Variants in RPTOR observed in about 807,000 individuals in gnomAD.
RPTOR encodes the protein regulatory associated protein of MTOR complex 1.
RPTOR carries 21 observed loss-of-function variants against 169.9 expected under a neutral mutation model. That is an observed-to-expected ratio of 0.12 (90% CI 0.09 to 0.18). The LOEUF (loss-of-function observed/expected upper bound fraction) is 0.18, where lower values mean the gene tolerates loss of function less well. Ranked by LOEUF, RPTOR falls within the 10% of genes least tolerant of loss-of-function variation. The probability of loss-of-function intolerance (pLI) is 1.00; values close to 1 mark genes in which losing one functional copy is unlikely to be tolerated. For synonymous variants in RPTOR, 732 were observed against 753.2 expected (o/e 0.97, Z 0.46); for missense variants, 1,133 against 1,855.9 (o/e 0.61, Z 7.16).
At chr17:80,840,905 G>C (rs1423797175) in intron 10 of RPTOR, among the ~76,000 whole-genome samples, 3 of 112,716 alleles carry the variant, frequency 2.7e-5, no homozygotes, top group South Asian at 3.2e-4. Flanking sequence ...CTCACCACAC[G>C]GCAGCTCACT....
At chr17:80,838,635 T>C (rs968587425) in intron 10 of RPTOR, among the ~76,000 whole-genome samples, 17 of 152,146 alleles carry the variant, frequency 1.1e-4, no homozygotes, top group African/African-American at 4.1e-4. Flanking sequence ...GAGGAGCCTC[T>C]CACATCTGTG....
intron 26 of RPTOR, among the ~76,000 whole-genome samples, chr17:80,946,108 C>T (rs1481510621): frequency 1.3e-5 from 2 of 152,072 alleles, no homozygotes; most frequent in Admixed American, 6.5e-5. Flanking sequence ...CTGCCCTGCC[C>T]GCAGAAGCAA....
chr17:80,876,255 C>T (rs2068111464), intron 13 of RPTOR, among the ~76,000 whole-genome samples: 1 of 75,976 alleles, frequency 1.3e-5, no homozygotes. Flanking sequence ...GGTCTTCCAC[C>T]GAGCCCGTGC....
chr17:80,875,225 C>G (rs34072556), intron 13 of RPTOR, among the ~76,000 whole-genome samples: 35,495 of 152,142 alleles, frequency 0.23, 4,389 homozygotes, highest in African/African-American at 0.3. Flanking sequence ...CCCGGCCTTA[C>G]GGGTGCACCT....
At chr17:80,554,370 T>G (rs2084380244) in intron 1 of RPTOR, among the ~76,000 whole-genome samples, 1 of 152,212 alleles carries the variant, frequency 6.6e-6, no homozygotes, top group African/African-American at 2.4e-5. Context: ...CCTGCCATTA[T>G]GTATCTTTGT....
At chr17:80,930,584 C>T (rs909445506) in intron 24 of RPTOR, among the ~76,000 whole-genome samples, 1 of 148,692 alleles carries the variant, frequency 6.7e-6, no homozygotes, top group African/African-American at 2.5e-5. Flanking sequence ...ACCCCAGCTG[C>T]AGCTTCTAAA....
At chr17:80,756,403 A>G (rs1234076737) in intron 6 of RPTOR, among the ~76,000 whole-genome samples, 2 of 152,238 alleles carry the variant, frequency 1.3e-5, no homozygotes, top group Non-Finnish European at 2.9e-5. Flanking sequence ...AGTAGGAGGA[A>G]TAAGTTATAG....
chr17:80,760,302 TTTTTC>T (rs1432951779), intron 6 of RPTOR, among the ~76,000 whole-genome samples: 3 of 134,402 alleles, frequency 2.2e-5, no homozygotes, highest in Non-Finnish European at 3.2e-5. Flanking sequence ...TCTTTTTTCT[TTTTTC>T]TTTTTTTTTT....
At chr17:80,881,339 TTTGTATCAG>T (rs1318772792) in intron 14 of RPTOR, among the ~76,000 whole-genome samples, 1 of 152,270 alleles carries the variant, frequency 6.6e-6, no homozygotes, top group African/African-American at 2.4e-5. Flanking sequence ...AAGTTGATAC[TTTGTATCAG>T]TTTTGGAAAC....
chr17:80,899,581 T>C (rs2068450064), intron 20 of RPTOR, among the ~76,000 whole-genome samples: 1 of 152,208 alleles, frequency 6.6e-6, no homozygotes, highest in Non-Finnish European at 1.5e-5. Context: ...CTCCCTTCCG[T>C]CACGTGTAGG....
At chr17:80,554,792 AT>A (rs1159091188) in intron 1 of RPTOR, among the ~76,000 whole-genome samples, 9 of 152,022 alleles carry the variant, frequency 5.9e-5, no homozygotes, top group African/African-American at 2.2e-4. Flanking sequence ...AACAAAAAAA[AT>A]GAGAATCCAG....
chr17:80,559,769 C>G (rs2091617483), intron 1 of RPTOR, among the ~76,000 whole-genome samples: 1 of 152,188 alleles, frequency 6.6e-6, no homozygotes, highest in Admixed American at 6.5e-5. Context: ...CCATTGTCCT[C>G]ATTTAATCAT....
At chr17:80,962,603 T>C (rs1259188672) in intron 32 of RPTOR, 26 bp downstream of exon 32, 1 of 1,584,016 alleles carries the variant, frequency 6.3e-7, no homozygotes, top group Non-Finnish European at 8.6e-7. Context: ...CTCCCTGGCC[T>C]GCACCGCTCA....
intron 1 of RPTOR, among the ~76,000 whole-genome samples, chr17:80,565,743 A>G (rs996465753): frequency 1.1e-4 from 16 of 152,216 alleles, no homozygotes; most frequent in African/African-American, 3.9e-4. Flanking sequence ...ATTTGCAAAC[A>G]TTTTAAAAGG....
intron 1 of RPTOR, among the ~76,000 whole-genome samples, chr17:80,563,460 G>A (rs1376805146): frequency 6.6e-6 from 1 of 151,124 alleles, no homozygotes; most frequent in African/African-American, 2.4e-5. Context: ...TTGAACCCGG[G>A]AGGCAGAGGT....
intron 6 of RPTOR, among the ~76,000 whole-genome samples, chr17:80,785,002 T>C (rs943964269): frequency 1.3e-5 from 2 of 152,226 alleles, no homozygotes; most frequent in African/African-American, 2.4e-5. Context: ...CTATTTTAAT[T>C]GTGTATTTAT....
chr17:80,940,555 G>A lies in RPTOR; in HGVS notation c.2979G>A (p.Leu993=), dbSNP rs998894478. The change falls in exon 25 of 34, where the codon CTG becomes CTA. Residue 993 remains leucine (L), a synonymous_variant. Transcript: ENST00000306801. ...GCAAGGAGCGGGAGTGGCGGTTCCTGCGAAACAGCCGTGTCAGGAGGCAGG... is the reference window on the plus strand; with the variant it reads ...GCAAGGAGCGGGAGTGGCGGTTCCTACGAAACAGCCGTGTCAGGAGGCAGG... ...QIRKEREWRF[L]RNSRVRRQAQ... 5 of 1,613,254 alleles carry A rather than the reference G, an allele frequency of 3.1e-6. No homozygotes were observed. The highest frequency in any genetic ancestry group is 4.2e-6 in the Non-Finnish European group (5 of 1,179,732).
chr17:80,612,470 CTGAT>C (rs1462108338), intron 1 of RPTOR, among the ~76,000 whole-genome samples: 1 of 152,180 alleles, frequency 6.6e-6, no homozygotes, highest in Non-Finnish European at 1.5e-5. Flanking sequence ...TCACACATAA[CTGAT>C]TGTCTAGTTA....
chr17:80,784,871 G>GT (rs893078404), intron 6 of RPTOR, among the ~76,000 whole-genome samples: 6 of 151,634 alleles, frequency 4.0e-5, no homozygotes, highest in East Asian at 1.9e-4. Flanking sequence ...GCTAATGCTG[G>GT]TTTTTTTTGT....
Sources: gnomAD v4.1 joint callset for allele counts (sites outside exome capture counted in the v4.1 genomes callset) on GRCh38, gnomAD v4.1.1 for gene constraint, MANE v1.5 for transcripts, NCBI Gene and HGNC (gene_info 2026-07-23, HGNC 2026-07-21) for gene names.